The following SAFB variants were observed in gnomAD, a reference collection of about 807,000 sequenced individuals.
The protein encoded by SAFB is scaffold attachment factor B1.
Under a neutral mutation model 101.6 loss-of-function variants are expected in SAFB, and 15 were observed. That is an observed-to-expected ratio of 0.15 (90% CI 0.10 to 0.23). The LOEUF (loss-of-function observed/expected upper bound fraction) is 0.23, where lower values mean the gene tolerates loss of function less well. SAFB is among the 10% of genes least tolerant of loss of function. SAFB has a pLI of 1.00. For synonymous variants in SAFB, 449 were observed against 407.5 expected (o/e 1.10, Z -1.23); for missense variants, 930 against 1,104.1 (o/e 0.84, Z 2.23).
chr19:5,668,322 C>G lies in SAFB; in HGVS notation c.*31C>G, dbSNP rs770866189. On this transcript the variant is annotated 3_prime_UTR_variant, in exon 21 of 21. Coordinates refer to ENST00000588852, the MANE Select transcript of SAFB (RefSeq NM_001201338.2). ...TGGAATCCTGTGTCCTGTCTCGTGG[C>G]AACAAGGCTATGTTCTGTTAGGAGT... The G allele has an allele frequency of 6.2e-7, 1 of 1,601,552 alleles. No individual in the cohort carries two copies. Among genetic ancestry groups the G allele is most frequent in the Non-Finnish European group, 8.5e-7 (1 of 1,177,078 alleles).
intron 1 of SAFB, 38 bp downstream of exon 1, chr19:5,623,432 C>T (rs546668955): frequency 3.8e-6 from 6 of 1,560,926 alleles, no homozygotes; most frequent in Non-Finnish European, 4.4e-6. Flanking sequence ...CAGGGTGGGT[C>T]TGGGGTCCTC....
intron 2 of SAFB, among the ~76,000 whole-genome samples, chr19:5,640,300 A>T (rs2053678393): frequency 6.6e-6 from 1 of 151,714 alleles, no homozygotes; most frequent in African/African-American, 2.4e-5. Flanking sequence ...CTTACCTAGC[A>T]TATTGGCAAA....
intron 11 of SAFB, 150 bp downstream of exon 11, chr19:5,653,570 A>G: frequency 4.5e-6 from 3 of 669,622 alleles, no homozygotes; most frequent in South Asian, 1.9e-5. Flanking sequence ...GGTTCAAGCA[A>G]TTCTCCTGCC....
chr19:5,648,078 T>G (rs1261620900), intron 6 of SAFB, 35 bp downstream of exon 6: 3 of 1,574,810 alleles, frequency 1.9e-6, no homozygotes, highest in Non-Finnish European at 2.6e-6. Flanking sequence ...AGCGGGGGTT[T>G]GGAACCATTC....
Position 5,661,780 on chromosome 19 carries a change from G to T in SAFB, c.2125G>T (p.Ala709Ser), listed in dbSNP as rs1176229417. Residue 709 changes from alanine (A) to serine (S), a missense_variant, in exon 15 of 21, where the codon GCG (alanine) becomes TCG (serine). Ala to Ser is a moderately conservative substitution (Grantham distance 99). Around this residue, in one of 7 missense-constraint regions of SAFB, gnomAD observed 318 missense variants for 342.6 expected, o/e 0.93. Transcript: ENST00000588852. ...GCGCTATGAGCAGGAGCGGCGGCCC[G>T]CGGTGCGGCGGCCCTACGACCTGGA... ...ELRYEQERRPAVRRPYDLDRR... is the reference protein window; with the variant it reads ...ELRYEQERRPSVRRPYDLDRR... The T allele has an allele frequency of 1.3e-6, 2 of 1,559,462 alleles. No homozygotes were observed. Among genetic ancestry groups the T allele is most frequent in the Non-Finnish European group, 1.7e-6 (2 of 1,154,298 alleles).
At position 5,661,635 on chromosome 19, in the gene SAFB, G is replaced by A. The variant is rs1225927127; in HGVS notation, c.1980G>A (p.Glu660=). 4 of 1,612,530 alleles carry A rather than the reference G, an allele frequency of 2.5e-6. No homozygotes were observed. The South Asian group carries it at 4.4e-5, about 18-fold the overall frequency. The change falls in exon 15 of 21, where the codon GAG becomes GAA. Residue 660 remains glutamate, a synonymous_variant. Transcript: ENST00000588852. ...ERLAFQRQRL[E]RERMERERLE... ...TGGCCTTCCAGCGCCAGCGGCTGGA[G>A]CGGGAGCGCATGGAGCGGGAACGGC...
intron 14 of SAFB, 84 bp from the exon 15 acceptor site, chr19:5,661,434 G>A (rs1429610784): frequency 6.4e-7 from 1 of 1,567,740 alleles, no homozygotes; most frequent in Non-Finnish European, 8.6e-7. Context: ...TGGAGTCTGT[G>A]CGACCCAGCG....
At position 5,653,104 on chromosome 19, in the gene SAFB, T is replaced by C. The variant is rs1412372118; in HGVS notation, c.1294-11T>C. 2.5e-6 allele frequency: 4 copies of C among 1,613,270 alleles called. No individual in the cohort carries two copies. Among genetic ancestry groups the C allele is most frequent in the Admixed American group, 1.7e-5 (1 of 60,010 alleles). ...TCATGTCTGAGTCATATTTGCCTGC[T>C]TTCCTTTGAGGTGGTGGGCGCCAAG... On this transcript the variant is annotated splice_polypyrimidine_tract_variant and intron_variant, in intron 9 of 20. Transcript: ENST00000588852.
chr19:5,631,144 C>T (rs1337447470), intron 2 of SAFB, among the ~76,000 whole-genome samples: 10 of 152,128 alleles, frequency 6.6e-5, no homozygotes, highest in African/African-American at 2.4e-4. Context: ...GAGCTGAGAT[C>T]ATGCTGCTGC....
chr19:5,661,944 AC>A lies in SAFB; in HGVS notation c.2153+139del, dbSNP rs1264817134. The A allele has an allele frequency of 1.3e-5, 9 of 687,532 alleles. No homozygotes were observed. The East Asian group carries it at 2.2e-4, about 17-fold the overall frequency. The allele number at this position is 687,532 out of a possible 1,614,324, so 42.6% of individuals were successfully genotyped here. A position where few individuals can be genotyped will look rare whatever the true frequency, so the allele number is the denominator to read the frequency against. ...TTGTCGCGGAGGCTGGAGTGCAGTGACCCGATCTTGGCTCACTGCAAGCTCT... is the reference window on the plus strand; with the variant it reads ...TTGTCGCGGAGGCTGGAGTGCAGTGACCGATCTTGGCTCACTGCAAGCTCT... On this transcript the variant is annotated intron_variant, in intron 15 of 20. Transcript: ENST00000588852.
chr19:5,649,908 A>G lies in SAFB; in HGVS notation c.1149-18A>G. ...CCATGCTGCTTCCTTGTGGAGTGAC[A>G]TTGTCTTTTGTCTCTAGTTCTCCCG... is the stretch of plus-strand genomic sequence containing the variant. On this transcript the variant is annotated intron_variant, in intron 7 of 20. Coordinates refer to ENST00000588852, the MANE Select transcript of SAFB (RefSeq NM_001201338.2). 1.2e-6 allele frequency: 2 copies of G among 1,611,950 alleles called. No homozygotes were observed. Among genetic ancestry groups the G allele is most frequent in the Non-Finnish European group, 8.5e-7 (1 of 1,178,054 alleles).
rs1426275625 is a variant in SAFB, at chr19:5,651,069, G to A, written c.1290G>A (p.Gly430=). ...TDLKNLFSKY[G]KVVGAKVVTN... ...TGAAGAATCTTTTCAGCAAATATGG[G>A]AAGGTAAGTGCCAGAGCTTTTCTGG... The change falls in exon 9 of 21, where the codon GGG becomes GGA. Residue 430 remains glycine, a synonymous_variant. Transcript: ENST00000588852. 6 of 1,596,874 alleles carry A rather than the reference G, an allele frequency of 3.8e-6. No individual in the cohort carries two copies. In the South Asian group the frequency reaches 6.7e-5, roughly 18 times the overall value.
At position 5,641,804 on chromosome 19, in the gene SAFB, A is replaced by G; in HGVS notation, c.404A>G (p.Asp135Gly). 4 of 1,614,120 alleles carry G rather than the reference A, an allele frequency of 2.5e-6. No homozygotes were observed. The highest frequency in any genetic ancestry group is 3.4e-6 in the Non-Finnish European group (4 of 1,180,028). ...GACATCATGGATATCAGTGTGTTGG[A>G]TGAAGCAGAAATTGATAATGGAAGC... Reference protein sequence around the residue: ...DIDIMDISVLDEAEIDNGSVA... With the variant: ...DIDIMDISVLGEAEIDNGSVA... Residue 135 changes from aspartate to glycine, a missense_variant, in exon 4 of 21, where the codon GAT (aspartate) becomes GGT (glycine). Around this residue, in one of 7 missense-constraint regions of SAFB, gnomAD observed 119 missense variants for 171.4 expected, o/e 0.69. Transcript: ENST00000588852.
chr19:5,654,729 G>A (rs866891570), intron 13 of SAFB, among the ~76,000 whole-genome samples: 9 of 151,994 alleles, frequency 5.9e-5, no homozygotes, highest in African/African-American at 1.9e-4. Flanking sequence ...GATTACAGGC[G>A]CACACCATTA....
chr19:5,658,868 C>T (rs1401072998), intron 14 of SAFB, among the ~76,000 whole-genome samples: 7 of 148,668 alleles, frequency 4.7e-5, no homozygotes, highest in African/African-American at 9.9e-5. Flanking sequence ...GTCGGGGGGC[C>T]GGGCGCGGTG....
At chr19:5,640,435 G>C (rs1330477253) in intron 2 of SAFB, among the ~76,000 whole-genome samples, 1 of 133,344 alleles carries the variant, frequency 7.5e-6, no homozygotes, top group East Asian at 2.2e-4. Context: ...GTGTGATCTC[G>C]GCTAACTGCA....
At chr19:5,660,284 A>AGTAGTT (rs2054165078) in intron 14 of SAFB, among the ~76,000 whole-genome samples, 1 of 148,040 alleles carries the variant, frequency 6.8e-6, no homozygotes, top group African/African-American at 2.5e-5. Flanking sequence ...ATGCTGTGTC[A>AGTAGTT]GTAGTTGGTA....
At chr19:5,656,574 A>AT (rs1386767200) in intron 13 of SAFB, among the ~76,000 whole-genome samples, 4 of 141,956 alleles carry the variant, frequency 2.8e-5, no homozygotes, top group African/African-American at 7.9e-5. Context: ...CTGCGCCAGC[A>AT]ATTTTTTTTT....
chr19:5,662,697 A>G (rs1354951702), intron 15 of SAFB, among the ~76,000 whole-genome samples: 7 of 149,448 alleles, frequency 4.7e-5, no homozygotes, highest in African/African-American at 7.4e-5. Flanking sequence ...CTGGAGTGCA[A>G]TGGCGCGATC....
Sources: gnomAD v4.1 joint callset for allele counts (sites outside exome capture counted in the v4.1 genomes callset) on GRCh38, gnomAD v4.1.1 for gene constraint, gnomAD v4.1.1 regional missense constraint, MANE v1.5 for transcripts, NCBI Gene and HGNC (gene_info 2026-07-23, HGNC 2026-07-21) for gene names.